ESR2: variants seen among roughly 807,000 people sequenced by gnomAD.
The protein encoded by ESR2 is estrogen receptor 2.
ESR2 carries 36 observed loss-of-function variants against 49.6 expected under a neutral mutation model. That is an observed-to-expected ratio of 0.73 (90% CI 0.56 to 0.96). The LOEUF (loss-of-function observed/expected upper bound fraction) is 0.96, where lower values mean the gene tolerates loss of function less well. Among genes scored for constraint, ESR2 ranks in the 40% least tolerant of loss-of-function variants. The pLI, the probability that ESR2 is intolerant of heterozygous loss-of-function variation, is 0.00. For missense variants in ESR2, 714 were observed against 693.0 expected, an observed-to-expected ratio of 1.03 and a Z score of -0.34; for synonymous variants, 320 against 266.1, an observed-to-expected ratio of 1.20 and a Z score of -1.97.
chr14:64,326,655 C>T (rs2077394054), intron 1 of ESR2, among the ~76,000 whole-genome samples: 1 of 152,094 alleles, frequency 6.6e-6, no homozygotes, highest in Non-Finnish European at 1.5e-5. Flanking sequence ...TGCCTTTATA[C>T]CCTACTTCAA....
intron 4 of ESR2, among the ~76,000 whole-genome samples, chr14:64,261,319 G>A (rs2076220714): frequency 7.3e-6 from 1 of 136,130 alleles, no homozygotes; most frequent in South Asian, 2.4e-4. Flanking sequence ...CTCACTGCAA[G>A]CTCCGCCTAC....
At chr14:64,297,770 G>C (rs1362983859), upstream of ESR2, 1 of 152,198 alleles carries the variant, frequency 6.6e-6, no homozygotes, top group Non-Finnish European at 1.5e-5. Flanking sequence ...GGGAAAGGAG[G>C]AATGCTACAG....
At chr14:64,302,183 TA>T (rs1208983806) in intron 1 of ESR2, among the ~76,000 whole-genome samples, 2,107 of 149,712 alleles carry the variant, frequency 0.014, 64 homozygotes, top group East Asian at 0.077. Flanking sequence ...TTTATTTATT[TA>T]TTTATTTATT....
At chr14:64,237,527 T>C (rs940572511) in intron 7 of ESR2, among the ~76,000 whole-genome samples, 4 of 152,152 alleles carry the variant, frequency 2.6e-5, no homozygotes, top group Admixed American at 2.0e-4. Context: ...GAGCCAAAAT[T>C]GTGTGCCTGT....
intron 1 of ESR2, chr14:64,301,688 G>C (rs1435544990): frequency 6.6e-6 from 1 of 152,146 alleles, no homozygotes; most frequent in African/African-American, 2.4e-5. Flanking sequence ...CCTAGGGTGG[G>C]TTTTCAGCAC....
At chr14:64,298,728 ACT>A (rs543828369), upstream of ESR2, among the ~76,000 whole-genome samples, 457 of 152,150 alleles carry the variant, frequency 3.0e-3, no homozygotes, top group Non-Finnish European at 5.3e-3. Context: ...TCTAAATCAC[ACT>A]CATGTGTTTC....
At chr14:64,268,748 G>T in intron 4 of ESR2, 47 bp downstream of exon 4, 1 of 1,110,744 alleles carries the variant, frequency 9.0e-7, no homozygotes, top group Non-Finnish European at 1.4e-6. Flanking sequence ...AGAGGACAGG[G>T]CTTTTAGCAA....
At chr14:64,308,316 T>C (rs2077137170) in intron 1 of ESR2, among the ~76,000 whole-genome samples, 1 of 152,118 alleles carries the variant, frequency 6.6e-6, no homozygotes. Context: ...GCCGGGCCCC[T>C]ATTTTCTAAT....
At chr14:64,253,580 G>GTGTGTA (rs1470704531) in intron 6 of ESR2, among the ~76,000 whole-genome samples, 1 of 134,064 alleles carries the variant, frequency 7.5e-6, no homozygotes, top group East Asian at 2.0e-4. Context: ...GTGTGTGTGT[G>GTGTGTA]TGTGTGTGTG....
At chr14:64,290,326 C>T (rs1346290241) in intron 1 of ESR2, among the ~76,000 whole-genome samples, 1 of 152,188 alleles carries the variant, frequency 6.6e-6, no homozygotes, top group Non-Finnish European at 1.5e-5. Context: ...CCACCTCGGC[C>T]TCCCAAAGTG....
chr14:64,275,537 T>C (rs1477400847), intron 3 of ESR2, among the ~76,000 whole-genome samples: 1 of 152,098 alleles, frequency 6.6e-6, no homozygotes, highest in Admixed American at 6.5e-5. Flanking sequence ...ACCCCATCTC[T>C]ACTAAAAATA....
intron 1 of ESR2, among the ~76,000 whole-genome samples, chr14:64,318,597 A>G (rs1247657571): frequency 6.7e-6 from 1 of 148,886 alleles, no homozygotes; most frequent in Admixed American, 6.7e-5. Flanking sequence ...TTAAATACTT[A>G]GGTATAAATC....
At chr14:64,260,360 T>G (rs930642575) in intron 5 of ESR2, 89 bp downstream of exon 5, 15 of 1,260,310 alleles carry the variant, frequency 1.2e-5, no homozygotes, top group Non-Finnish European at 1.6e-5. Flanking sequence ...GCACAGCTCA[T>G]GGACCTCTAC....
At chr14:64,267,199 A>T (rs191600469) in intron 4 of ESR2, among the ~76,000 whole-genome samples, 24 of 152,344 alleles carry the variant, frequency 1.6e-4, no homozygotes, top group Admixed American at 1.3e-3. Flanking sequence ...TTTCACAGAA[A>T]AAAACCAAAC....
At chr14:64,292,719 C>T (rs760734835) in intron 1 of ESR2, among the ~76,000 whole-genome samples, 14 of 152,134 alleles carry the variant, frequency 9.2e-5, no homozygotes, top group South Asian at 2.1e-4. Flanking sequence ...GTTCAACATA[C>T]ACTTATAGAA....
Position 64,233,191 on chromosome 14 carries a change from G to A in ESR2, c.1539C>T (p.Ser513=). Reference sequence around the variant, plus strand: ...CTTTGCTTTTACTGTCCTCTGCCGGGCTGCACTCGGACCCCGTGATGGAGG... The same window carrying A: ...CTTTGCTTTTACTGTCCTCTGCCGGACTGCACTCGGACCCCGTGATGGAGG... The part of the protein sequence containing the change: ...CKSSITGSEC[S]PAEDSKSKEG... Residue 513 remains serine, a synonymous_variant, in exon 9 of 9, where the codon AGC becomes AGT. Coordinates refer to ENST00000341099, the MANE Select transcript of ESR2 (RefSeq NM_001437.3). The A allele has an allele frequency of 6.2e-7, 1 of 1,614,116 alleles. No individual in the cohort carries two copies. The highest frequency in any genetic ancestry group is 2.2e-5 in the East Asian group (1 of 44,888).
At chr14:64,317,096 G>A (rs1366230594) in intron 1 of ESR2, among the ~76,000 whole-genome samples, 2 of 151,858 alleles carry the variant, frequency 1.3e-5, no homozygotes, top group African/African-American at 4.8e-5. Context: ...GAAACCCCAT[G>A]TCTACCAAAA....
chr14:64,314,261 T>A (rs966310258), intron 1 of ESR2, among the ~76,000 whole-genome samples: 1 of 150,666 alleles, frequency 6.6e-6, no homozygotes, highest in African/African-American at 2.4e-5. Context: ...CAAGTACTCC[T>A]AAATAAAACA....
intron 3 of ESR2, among the ~76,000 whole-genome samples, chr14:64,273,398 A>G (rs772850748): frequency 4.6e-5 from 7 of 152,164 alleles, no homozygotes; most frequent in Non-Finnish European, 7.4e-5. Flanking sequence ...CATATAGAGG[A>G]AAGGCTTTCA....
Sources: allele counts gnomAD v4.1 joint callset (sites outside exome capture counted in the v4.1 genomes callset), GRCh38; gene constraint gnomAD v4.1.1; transcripts MANE v1.5; gene names NCBI Gene and HGNC (gene_info 2026-07-23, HGNC 2026-07-21).